Variants in LHCGR observed in about 807,000 individuals in gnomAD.
LHCGR encodes lutropin-choriogonadotropic hormone receptor.
In LHCGR, 55 loss-of-function variants were observed where a neutral mutation model predicts 60.7. That is an observed-to-expected ratio of 0.91 (90% CI 0.73 to 1.13). The LOEUF is 1.13. Ranked by LOEUF, LHCGR falls within the 50% of genes most tolerant of loss-of-function variation. The pLI is 0.00. For missense variants in LHCGR, 862 were observed against 836.0 expected, an observed-to-expected ratio of 1.03 and a Z score of -0.38; for synonymous variants, 337 against 316.5, an observed-to-expected ratio of 1.06 and a Z score of -0.69.
chr2:48,702,603 TA>T lies in LHCGR; in HGVS notation c.681-3804del, dbSNP rs554576989. Among the ~76,000 whole-genome samples, 4 of 152,382 alleles carry T rather than the reference TA, an allele frequency of 2.6e-5. No homozygotes were observed. In the East Asian group the frequency reaches 7.7e-4, roughly 29 times the overall value. On this transcript the variant is annotated intron_variant, in intron 8 of 10. Transcript: ENST00000294954. Reference sequence around the variant, plus strand: ...CAAAGGACATGAACTTATCCTTTTTTATGGCTGCATAGTATTTCATGGTGTA... The same window carrying T: ...CAAAGGACATGAACTTATCCTTTTTTTGGCTGCATAGTATTTCATGGTGTA...
chr2:48,711,461 C>A (rs1182986728), intron 7 of LHCGR, among the ~76,000 whole-genome samples: 3 of 152,146 alleles, frequency 2.0e-5, no homozygotes, highest in South Asian at 2.1e-4. Flanking sequence ...TTGTTCTTGG[C>A]AAACTGACTC....
At chr2:48,750,081 G>A (rs766432630) in intron 1 of LHCGR, among the ~76,000 whole-genome samples, 7 of 152,168 alleles carry the variant, frequency 4.6e-5, no homozygotes, top group Non-Finnish European at 8.8e-5. Flanking sequence ...TGGTTGTGGT[G>A]GTGGTGAGGG....
At chr2:48,737,732 A>C (rs1031485202) in intron 1 of LHCGR, among the ~76,000 whole-genome samples, 2 of 152,240 alleles carry the variant, frequency 1.3e-5, no homozygotes, top group African/African-American at 4.8e-5. Context: ...TACGCTTTAC[A>C]CCAGAAAACT....
Position 48,688,435 on chromosome 2 carries a change from G to C in LHCGR, c.1362C>G (p.Val454=), listed in dbSNP as rs1242400978. ...FFTVFASELS[V]YTLTVITLER... is the part of the protein sequence containing the mutation. Reference sequence around the variant, plus strand: ...CTAGAGTGATGACGGTGAGGGTGTAGACAGAAAGTTCACTTGCGAATACAG... The same window carrying C: ...CTAGAGTGATGACGGTGAGGGTGTACACAGAAAGTTCACTTGCGAATACAG... Residue 454 remains valine, a synonymous_variant, in exon 11 of 11, where the codon GTC becomes GTG. Coordinates refer to ENST00000294954, the MANE Select transcript of LHCGR (RefSeq NM_000233.4). This position sits in a 1 kb window ranked among gnomAD's most constrained non-coding sequence, Gnocchi z 5.2. 3 of 1,614,176 alleles carry C rather than the reference G, an allele frequency of 1.9e-6. No individual in the cohort carries two copies. Among genetic ancestry groups the C allele is most frequent in the Non-Finnish European group, 2.5e-6 (3 of 1,180,028 alleles).
chr2:48,688,169 C>T lies in LHCGR; in HGVS notation c.1628G>A (p.Cys543Tyr), dbSNP rs375277211. ...AAAATAAATTTTAATGTAGCAAGCA[C>T]AAATTATGAAGAAGGCCACCACATT... Reference protein sequence around the residue: ...ILNVVAFFIICACYIKIYFAV... With the variant: ...ILNVVAFFIIYACYIKIYFAV... Residue 543 changes from cysteine to tyrosine, a missense_variant, in exon 11 of 11, where the codon TGT becomes TAT. Transcript: ENST00000294954. This position sits in a 1 kb window ranked among gnomAD's most constrained non-coding sequence, Gnocchi z 5.2. The T allele has an allele frequency of 2.5e-6, 4 of 1,614,038 alleles. No homozygotes were observed. The African/African-American group carries it at 5.3e-5, about 22-fold the overall frequency.
At position 48,687,780 on chromosome 2, in the gene LHCGR, G is replaced by T. The variant is rs1458840993; in HGVS notation, c.2017C>A (p.Pro673Thr). Residue 673 changes from proline (P) to threonine (T), a missense_variant, in exon 11 of 11, where the codon CCT (proline) becomes ACT (threonine). By Grantham distance (38) the Pro-to-Thr change is conservative. Transcript: ENST00000294954. ...GACAACTTCAAGGTGGATTGAGAAG[G>T]CTTATTTGATCCAGTGAAGCCATTT... ...CKNGFTGSNK[P>T]SQSTLKLSTL... The T allele has an allele frequency of 1.9e-6, 3 of 1,614,098 alleles. No individual in the cohort carries two copies. The highest frequency in any genetic ancestry group is 1.7e-5 in the Admixed American group (1 of 60,016).
chr2:48,739,989 A>G (rs1488239044), intron 1 of LHCGR, among the ~76,000 whole-genome samples: 50 of 152,208 alleles, frequency 3.3e-4, no homozygotes, highest in Non-Finnish European at 5.9e-5. Flanking sequence ...TGCGTGCACC[A>G]TGCGCGAGCT....
At chr2:48,721,658 T>A (rs951911714) in intron 6 of LHCGR, 2 of 470,348 alleles carry the variant, frequency 4.3e-6, no homozygotes, top group African/African-American at 4.0e-5. Context: ...GAGAGTCCTC[T>A]GAGATGATCT....
At chr2:48,721,877 G>A in intron 6 of LHCGR, 1 of 439,878 alleles carries the variant, frequency 2.3e-6, no homozygotes, top group South Asian at 1.7e-5. Flanking sequence ...GAGGCCGGGG[G>A]GTGGTGACTC....
At position 48,755,592 on chromosome 2, in the gene LHCGR, T is replaced by A. The variant is rs1216217393; in HGVS notation, c.80A>T (p.Glu27Val). The change falls in exon 1 of 11, where the codon GAG becomes GTG. Residue 27 changes from glutamate to valine, a missense_variant. Glu to Val is a moderately radical substitution (Grantham distance 121, BLOSUM62 -2). Coordinates refer to ENST00000294954, the MANE Select transcript of LHCGR (RefSeq NM_000233.4). Reference sequence around the variant, plus strand: ...GTTGCAGGGCTCAGGGCAGAGCGCCTCGCGCAGCGCTCGTGGCAGCGGCGG... The same window carrying A: ...GTTGCAGGGCTCAGGGCAGAGCGCCACGCGCAGCGCTCGTGGCAGCGGCGG... Reference protein sequence around the residue: ...LQPPLPRALREALCPEPCNCV... With the variant: ...LQPPLPRALRVALCPEPCNCV... 2 of 1,538,054 alleles carry A rather than the reference T, an allele frequency of 1.3e-6. No homozygotes were observed. Among genetic ancestry groups the A allele is most frequent in the Non-Finnish European group, 1.7e-6 (2 of 1,145,536 alleles).
At chr2:48,750,818 C>G (rs1000342078) in intron 1 of LHCGR, among the ~76,000 whole-genome samples, 10 of 152,202 alleles carry the variant, frequency 6.6e-5, no homozygotes, top group African/African-American at 1.9e-4. Context: ...CCCCCTGCCC[C>G]CTCCGGGGGT....
At chr2:48,751,817 T>A (rs1669968563) in intron 1 of LHCGR, among the ~76,000 whole-genome samples, 1 of 152,256 alleles carries the variant, frequency 6.6e-6, no homozygotes, top group South Asian at 2.1e-4. Context: ...GCCTCTGGAT[T>A]ATGTCTTCAA....
intron 2 of LHCGR, among the ~76,000 whole-genome samples, chr2:48,730,878 G>A (rs774526874): frequency 6.6e-6 from 1 of 151,910 alleles, no homozygotes; most frequent in Non-Finnish European, 1.5e-5. Flanking sequence ...TTTTTCCTAT[G>A]TGGGTGTTAT....
chr2:48,716,974 T>A (rs923472923), intron 6 of LHCGR, among the ~76,000 whole-genome samples: 2 of 152,200 alleles, frequency 1.3e-5, no homozygotes, highest in Non-Finnish European at 2.9e-5. Flanking sequence ...GCTCTCCTAG[T>A]GAGCCTTCAG....
rs985850411 is a variant in LHCGR, at chr2:48,688,481, C to T, written c.1316G>A (p.Cys439Tyr). 3 of 1,614,186 alleles carry T rather than the reference C, an allele frequency of 1.9e-6. No homozygotes were observed. Among genetic ancestry groups the T allele is most frequent in the Non-Finnish European group, 2.5e-6 (3 of 1,180,034 alleles). Residue 439 changes from cysteine to tyrosine, a missense_variant, in exon 11 of 11, where the codon TGC becomes TAC. Transcript: ENST00000294954. The surrounding 1 kb of genome is among the most constrained non-coding windows in gnomAD (Gnocchi z 5.2). ...HAIDWQTGSG[C>Y]STAGFFTVFA... is the part of the protein sequence containing the mutation. ...TACAGTGAAAAAGCCAGCAGTGCTGCACCCACTCCCTGTCTGCCAGTCTAT... is the reference window on the plus strand; with the variant it reads ...TACAGTGAAAAAGCCAGCAGTGCTGTACCCACTCCCTGTCTGCCAGTCTAT...
chr2:48,706,107 A>G (rs1286238996), intron 8 of LHCGR, among the ~76,000 whole-genome samples: 1 of 152,194 alleles, frequency 6.6e-6, no homozygotes, highest in Non-Finnish European at 1.5e-5. Flanking sequence ...AAAATCTCTC[A>G]GCATTTGCTT....
At chr2:48,734,588 C>T (rs1357567216) in intron 1 of LHCGR, among the ~76,000 whole-genome samples, 2 of 152,172 alleles carry the variant, frequency 1.3e-5, no homozygotes, top group Admixed American at 6.5e-5. Context: ...TTCTTCCCTC[C>T]TTCCTTTCCT....
At chr2:48,704,867 G>C (rs1667586245) in intron 8 of LHCGR, among the ~76,000 whole-genome samples, 1 of 151,998 alleles carries the variant, frequency 6.6e-6, no homozygotes, top group African/African-American at 2.4e-5. Context: ...TTTTTTGAAG[G>C]GTTTTTTGTC....
At chr2:48,721,783 T>C (rs1389622993) in intron 6 of LHCGR, 1 of 471,072 alleles carries the variant, frequency 2.1e-6, no homozygotes, top group Admixed American at 2.3e-5. Flanking sequence ...CCATGGGCTG[T>C]AACCAAAGCA....
Sources: gnomAD v4.1 joint callset for allele counts (sites outside exome capture counted in the v4.1 genomes callset) on GRCh38, gnomAD v4.1.1 for gene constraint, Gnocchi (gnomAD v3.1) non-coding constraint, MANE v1.5 for transcripts, NCBI Gene and HGNC (gene_info 2026-07-23, HGNC 2026-07-21) for gene names.